Variants in DERL2 observed in about 807,000 individuals in gnomAD.
DERL2 encodes the protein derlin 2.
Under a neutral mutation model 32.0 loss-of-function variants are expected in DERL2, and 13 were observed. The observed-to-expected ratio is 0.41, with a 90% CI of 0.26 to 0.65. The LOEUF (loss-of-function observed/expected upper bound fraction) is 0.65, where lower values mean the gene tolerates loss of function less well. DERL2 is among the 30% of genes least tolerant of loss of function. DERL2 has a pLI of 0.35. For synonymous variants in DERL2, 111 were observed against 104.7 expected, an observed-to-expected ratio of 1.06 and a Z score of -0.37; for missense variants, 208 against 296.3, an observed-to-expected ratio of 0.70 and a Z score of 2.19.
At chr17:5,480,819 A>C (rs143296389) in intron 4 of DERL2, 149 of 459,322 alleles carry the variant, frequency 3.2e-4, no homozygotes, top group East Asian at 3.1e-3. Context: ...TGCTTTCGTG[A>C]AGTTCTTGCC....
intron 1 of DERL2, 36 bp from the exon 2 acceptor site, chr17:5,485,252 G>A: frequency 9.9e-7 from 1 of 1,013,518 alleles, no homozygotes; most frequent in Non-Finnish European, 1.4e-6. Flanking sequence ...AGCAAATCAA[G>A]AAACAAAATT....
intron 6 of DERL2, among the ~76,000 whole-genome samples, chr17:5,479,669 C>T (rs1220620288): frequency 6.6e-6 from 1 of 152,192 alleles, no homozygotes; most frequent in Admixed American, 6.5e-5. Context: ...ATCTCAACCA[C>T]CTGCTTGGCA....
In DERL2 at chr17:5,474,730, C is replaced by T. The variant is rs1159652396; in HGVS notation, c.674G>A (p.Arg225Gln). The T allele has an allele frequency of 7.4e-6, 12 of 1,613,762 alleles. No homozygotes were observed. In the South Asian group the frequency reaches 8.8e-5, roughly 12 times the overall value. The change falls in exon 7 of 7, where the codon CGG becomes CAG. Residue 225 changes from arginine (R) to glutamine (Q), a missense_variant. Coordinates refer to ENST00000158771, the MANE Select transcript of DERL2 (RefSeq NM_016041.5). The surrounding 1 kb of genome is among the most constrained non-coding windows in gnomAD (Gnocchi z 4.3). ...DPNYNPLPEERPGGFAWGEGQ... is the reference protein window; with the variant it reads ...DPNYNPLPEEQPGGFAWGEGQ... ...CTCACCCCAGGCGAAGCCTCCTGGCCGTTCCTCAGGTAGTGGATTGTAATT... is the reference window on the plus strand; with the variant it reads ...CTCACCCCAGGCGAAGCCTCCTGGCTGTTCCTCAGGTAGTGGATTGTAATT...
upstream of DERL2, chr17:5,486,328 T>A: frequency 2.4e-6 from 1 of 416,262 alleles, no homozygotes; most frequent in Non-Finnish European, 4.3e-6. Flanking sequence ...GGAACGCACA[T>A]CCGCCAATCA....
chr17:5,482,561 T>C (rs1905861993), intron 3 of DERL2: 1 of 346,594 alleles, frequency 2.9e-6, no homozygotes, highest in African/African-American at 2.2e-5. Flanking sequence ...CTCCCCTCCC[T>C]TGATCAGATT....
In DERL2 at chr17:5,471,529, G is replaced by C. The variant is rs1241175094; in HGVS notation, c.*3155C>G. On this transcript the variant is annotated 3_prime_UTR_variant, in exon 7 of 7. Transcript: ENST00000158771. ...AGAGTCAAGATTTTTTGAGGAATCA[G>C]GAACAAGGCCAGGCCTTGAAGAACT... The C allele has an allele frequency of 6.6e-6, 1 of 152,202 alleles. No homozygotes were observed. The highest frequency in any genetic ancestry group is 1.5e-5 in the Non-Finnish European group (1 of 68,036). 9.4% of individuals were successfully genotyped at this position (152,202 alleles called of 1,614,324 possible). A position where few individuals can be genotyped will look rare whatever the true frequency, so the allele number is the denominator to read the frequency against.
intron 3 of DERL2, 67 bp downstream of exon 3, chr17:5,482,742 A>T (rs1386512776): frequency 1.1e-6 from 1 of 907,220 alleles, no homozygotes; most frequent in East Asian, 2.5e-5. Context: ...CAGGATGAAA[A>T]GTTTCAACTT....
chr17:5,479,188 G>GTGTA (rs1254585546), intron 6 of DERL2, among the ~76,000 whole-genome samples: 7 of 152,166 alleles, frequency 4.6e-5, no homozygotes. Flanking sequence ...CGCAATCATA[G>GTGTA]TGTATGCAGC....
rs199598451 is a variant in DERL2 at position 5,480,044 on chromosome 17, A to G, written c.614+10T>C. 5.3e-5 allele frequency: 82 copies of G among 1,557,140 alleles called. 2 individuals are homozygous for G. The Admixed American group carries it at 1.2e-3, about 22-fold the overall frequency. On this transcript the variant is annotated intron_variant, in intron 6 of 6. Coordinates refer to ENST00000158771, the MANE Select transcript of DERL2 (RefSeq NM_016041.5). ...CTGTAAGAGTATGTAACCTGGTGTT[A>G]AATACTCACAAAATAGATGGTGTTT...
In DERL2 at chr17:5,474,793, A is replaced by G; in HGVS notation, c.615-4T>C. 8 of 1,610,846 alleles carry G rather than the reference A, an allele frequency of 5.0e-6. No homozygotes were observed. The highest frequency in any genetic ancestry group is 6.8e-6 in the Non-Finnish European group (8 of 1,177,524). ...TGGTGTATCAAAAATAGCTTTCCTA[A>G]AAGACAAGCAACAGATATAATTTGG... is the stretch of plus-strand genomic sequence containing the variant. On this transcript the variant is annotated splice_polypyrimidine_tract_variant and splice_region_variant and intron_variant, in intron 6 of 6. Transcript: ENST00000158771. The surrounding 1 kb of genome is among the most constrained non-coding windows in gnomAD (Gnocchi z 4.3).
chr17:5,476,489 A>G (rs1483067570), intron 6 of DERL2, among the ~76,000 whole-genome samples: 1 of 152,198 alleles, frequency 6.6e-6, no homozygotes, highest in Admixed American at 6.6e-5. Flanking sequence ...GTATATTAGA[A>G]ACTGAGATCC....
In DERL2 at chr17:5,485,794, T is replaced by C. The variant is rs1805460; in HGVS notation, c.93+275A>G. The stretch of plus-strand genomic sequence containing the variant: ...GCCATTGGCAGAGCTCTCGGACACA[T>C]TTCTTGGGTGGGAGGCTCCCGCAAC... On this transcript the variant is annotated intron_variant, in intron 1 of 6. Transcript: ENST00000158771. 15,480 of 368,834 alleles carry C rather than the reference T, an allele frequency of 0.042. 433 individuals carry two copies. The highest frequency in any genetic ancestry group is 0.085 in the African/African-American group (4,069 of 47,972). 22.8% of individuals were successfully genotyped at this position (368,834 alleles called of 1,614,324 possible). A position where few individuals can be genotyped will look rare whatever the true frequency, so the allele number is the denominator to read the frequency against.
rs941965995 is a variant in DERL2 at position 5,474,029 on chromosome 17, A to T, written c.*655T>A. ...CCTTTTTTTTCATGTTGTCTGACAAAGTTTGGCAAAACCCAGATGCAAAAC... is the reference window on the plus strand; with the variant it reads ...CCTTTTTTTTCATGTTGTCTGACAATGTTTGGCAAAACCCAGATGCAAAAC... On this transcript the variant is annotated 3_prime_UTR_variant, in exon 7 of 7. Coordinates refer to ENST00000158771, the MANE Select transcript of DERL2 (RefSeq NM_016041.5). The surrounding 1 kb of genome is among the most constrained non-coding windows in gnomAD (Gnocchi z 4.3). 3 of 152,198 alleles carry T rather than the reference A, an allele frequency of 2.0e-5. No homozygotes were observed. The highest frequency in any genetic ancestry group is 7.2e-5 in the African/African-American group (3 of 41,432). The allele number at this position is 152,198 out of a possible 1,614,324, so 9.4% of individuals were successfully genotyped here.
At chr17:5,475,813 T>C (rs557332206) in intron 6 of DERL2, among the ~76,000 whole-genome samples, 2 of 152,178 alleles carry the variant, frequency 1.3e-5, no homozygotes, top group Admixed American at 1.3e-4. Flanking sequence ...TTACGCTAAA[T>C]GAAATAAGAA....
In DERL2 at chr17:5,482,807, A is replaced by C; in HGVS notation, c.233+2T>G. On this transcript the variant is annotated splice_donor_variant, in intron 3 of 6. Transcript: ENST00000158771. LOFTEE classifies it high-confidence loss of function. ...ATGCTGACCCCATTTAATAAAGGAT[A>C]CAGAAAAATCATGTTAAATAAAAAA... 1 of 1,468,924 alleles carries C rather than the reference A, an allele frequency of 6.8e-7. No individual in the cohort carries two copies. Among genetic ancestry groups the C allele is most frequent in the Non-Finnish European group, 9.3e-7 (1 of 1,070,764 alleles). 91.0% of individuals were successfully genotyped at this position (1,468,924 alleles called of 1,614,324 possible). A position where few individuals can be genotyped will look rare whatever the true frequency, so the allele number is the denominator to read the frequency against.
chr17:5,480,423 A>G lies in DERL2; in HGVS notation c.487T>C (p.Leu163=). Residue 163 remains leucine (L), a synonymous_variant, in exon 5 of 7, where the codon TTG becomes CTG. Transcript: ENST00000158771. ...FLPWVLMGFS[L]LLGNSIIVDL... ...ACAATGATTGAGTTCCCCAACAACAAGGAAAATCCCATGAGCACCCAGGGC... is the reference window on the plus strand; with the variant it reads ...ACAATGATTGAGTTCCCCAACAACAGGGAAAATCCCATGAGCACCCAGGGC... 1.9e-6 allele frequency: 3 copies of G among 1,613,994 alleles called. No homozygotes were observed. Among genetic ancestry groups the G allele is most frequent in the Non-Finnish European group, 2.5e-6 (3 of 1,179,976 alleles).
intron 6 of DERL2, among the ~76,000 whole-genome samples, chr17:5,479,653 C>G (rs1027860531): frequency 7.9e-5 from 12 of 152,118 alleles, no homozygotes; most frequent in African/African-American, 2.9e-4. Context: ...CTCTGCTTCA[C>G]TGCTTATCTC....
intron 2 of DERL2, 108 bp downstream of exon 2, chr17:5,485,043 G>C: frequency 1.5e-6 from 1 of 663,728 alleles, no homozygotes; most frequent in Non-Finnish European, 2.4e-6. Flanking sequence ...TATAATCAAA[G>C]GTCCCCACTG....
chr17:5,484,843 A>G (rs1245239384), intron 2 of DERL2, among the ~76,000 whole-genome samples: 1 of 152,224 alleles, frequency 6.6e-6, no homozygotes, highest in African/African-American at 2.4e-5. Context: ...GTGATTTCCA[A>G]ATACAGGAAC....
Sources: allele counts gnomAD v4.1 joint callset (sites outside exome capture counted in the v4.1 genomes callset), GRCh38; gene constraint gnomAD v4.1.1; non-coding constraint Gnocchi (gnomAD v3.1); transcripts MANE v1.5; gene names NCBI Gene and HGNC (gene_info 2026-07-23, HGNC 2026-07-21).